Variants in DCLK1 observed in about 807,000 individuals in gnomAD.
The protein encoded by DCLK1 is doublecortin like kinase 1, also known as serine/threonine-protein kinase DCLK1.
DCLK1 carries 16 observed loss-of-function variants against 86.2 expected under a neutral mutation model. That is an observed-to-expected ratio of 0.19 (90% CI 0.13 to 0.28). The LOEUF is 0.28. Ranked by LOEUF, DCLK1 falls within the 10% of genes least tolerant of loss-of-function variation. The probability of loss-of-function intolerance (pLI) is 1.00; values close to 1 mark genes in which losing one functional copy is unlikely to be tolerated. For synonymous variants in DCLK1, 369 were observed against 370.5 expected, an observed-to-expected ratio of 1.00 and a Z score of 0.05; for missense variants, 590 against 940.2, an observed-to-expected ratio of 0.63 and a Z score of 4.87.
chr13:35,902,177 C>T lies in DCLK1; in HGVS notation c.824-30837G>A, dbSNP rs149285704. Reference sequence around the variant, plus strand: ...ATTGAACTCATAAGGAAACTAAAGCCGAGTAAGGTTAACTGACTTGCCCAC... The same window carrying T: ...ATTGAACTCATAAGGAAACTAAAGCTGAGTAAGGTTAACTGACTTGCCCAC... On this transcript the variant is annotated intron_variant, in intron 4 of 16. Transcript: ENST00000360631. Among the ~76,000 whole-genome samples, 625 of 152,246 alleles carry T rather than the reference C, an allele frequency of 4.1e-3. 5 individuals carry two copies. Among genetic ancestry groups the T allele is most frequent in the African/African-American group, 0.014 (590 of 41,536 alleles).
chr13:36,055,716 T>C (rs1021629837), intron 3 of DCLK1, among the ~76,000 whole-genome samples: 1 of 152,224 alleles, frequency 6.6e-6, no homozygotes, highest in African/African-American at 2.4e-5. Context: ...AACTTCATTC[T>C]AACTTCTTTA....
At chr13:35,912,268 A>C (rs185921889) in intron 4 of DCLK1, among the ~76,000 whole-genome samples, 1 of 152,120 alleles carries the variant, frequency 6.6e-6, no homozygotes, top group Non-Finnish European at 1.5e-5. Flanking sequence ...CCGTGGCAAA[A>C]TCCCATGTTT....
chr13:35,938,412 G>A (rs1345685137), intron 4 of DCLK1, among the ~76,000 whole-genome samples: 2 of 152,090 alleles, frequency 1.3e-5, no homozygotes, highest in Non-Finnish European at 2.9e-5. Flanking sequence ...GGTGGATCAC[G>A]AGGTCAGGAG....
intron 4 of DCLK1, among the ~76,000 whole-genome samples, chr13:35,943,612 G>C (rs752001764): frequency 6.6e-6 from 1 of 152,086 alleles, no homozygotes; most frequent in Admixed American, 6.5e-5. Context: ...GTGAGGCTCC[G>C]GATGGCAGTG....
intron 4 of DCLK1, among the ~76,000 whole-genome samples, chr13:35,887,165 G>A (rs998882808): frequency 3.9e-5 from 6 of 152,180 alleles, no homozygotes; most frequent in Non-Finnish European, 7.3e-5. Context: ...ACTTGCTAAC[G>A]ATGCTACATG....
At chr13:36,051,111 AAAAT>A (rs1423500742) in intron 3 of DCLK1, among the ~76,000 whole-genome samples, 1 of 152,230 alleles carries the variant, frequency 6.6e-6, no homozygotes, top group Non-Finnish European at 1.5e-5. Flanking sequence ...TATTTACTAC[AAAAT>A]AAATGAATAG....
At chr13:36,088,406 C>A (rs561057672) in intron 3 of DCLK1, among the ~76,000 whole-genome samples, 3 of 152,312 alleles carry the variant, frequency 2.0e-5, no homozygotes, top group African/African-American at 7.2e-5. Context: ...GGAGCAGCCT[C>A]ATGTAGGGTC....
In DCLK1 at chr13:36,004,631, G is replaced by A. The variant is rs140418136; in HGVS notation, c.724-57174C>T. Among the ~76,000 whole-genome samples the A allele has an allele frequency of 1.5e-4, 23 of 152,236 alleles. 1 individual carries two copies. The East Asian group carries it at 4.4e-3, about 29-fold the overall frequency. Reference sequence around the variant, plus strand: ...TTTTTTGATACAGTCTCGCTCTGTTGCCCAGGCTGGAGTGCAGTGGTGCAA... The same window carrying A: ...TTTTTTGATACAGTCTCGCTCTGTTACCCAGGCTGGAGTGCAGTGGTGCAA... On this transcript the variant is annotated intron_variant, in intron 3 of 16. Transcript: ENST00000360631.
At chr13:35,934,907 A>G (rs901654627) in intron 4 of DCLK1, among the ~76,000 whole-genome samples, 1 of 152,200 alleles carries the variant, frequency 6.6e-6, no homozygotes, top group African/African-American at 2.4e-5. Context: ...TTTTAAAAAA[A>G]AATCCCAGAA....
intron 4 of DCLK1, among the ~76,000 whole-genome samples, chr13:35,878,495 T>C (rs931563030): frequency 1.3e-5 from 2 of 151,854 alleles, no homozygotes; most frequent in African/African-American, 2.4e-5. Flanking sequence ...CACTCTAAAA[T>C]ACAGCTTTTA....
Position 36,008,844 on chromosome 13 carries a change from T to C in DCLK1, c.724-61387A>G, listed in dbSNP as rs1403096494. Among the ~76,000 whole-genome samples the C allele has an allele frequency of 2.7e-5, 4 of 150,572 alleles. No individual in the cohort carries two copies. In the East Asian group the frequency reaches 8.0e-4, roughly 30 times the overall value. On this transcript the variant is annotated intron_variant, in intron 3 of 16. Transcript: ENST00000360631. Reference sequence around the variant, plus strand: ...AACTAGTTTACAGTCTCACCAACAGTGTAAAAGTGTTCCTATTTCTCCACA... The same window carrying C: ...AACTAGTTTACAGTCTCACCAACAGCGTAAAAGTGTTCCTATTTCTCCACA...
chr13:35,850,190 C>T (rs1410903627), intron 6 of DCLK1: 1 of 984,294 alleles, frequency 1.0e-6, no homozygotes, highest in African/African-American at 1.7e-5. Flanking sequence ...GAAAAAAAAT[C>T]TACCCAAGTA....
At chr13:35,814,702 C>A (rs2087230153) in intron 11 of DCLK1, among the ~76,000 whole-genome samples, 1 of 152,148 alleles carries the variant, frequency 6.6e-6, no homozygotes, top group South Asian at 2.1e-4. Context: ...AGATGTTCCC[C>A]CACATTTTAA....
chr13:36,020,261 A>G (rs1474069572), intron 3 of DCLK1, among the ~76,000 whole-genome samples: 1 of 152,212 alleles, frequency 6.6e-6, no homozygotes, highest in African/African-American at 2.4e-5. Context: ...AAATGGATTA[A>G]GATGATAAAT....
chr13:35,912,965 G>A (rs559291899), intron 4 of DCLK1, among the ~76,000 whole-genome samples: 16 of 152,298 alleles, frequency 1.1e-4, no homozygotes, highest in East Asian at 5.8e-4. Context: ...GTAGCTGGCC[G>A]GATCCTGCCC....
At chr13:35,792,724 A>T (rs1566534434) in intron 16 of DCLK1, among the ~76,000 whole-genome samples, 1 of 152,220 alleles carries the variant, frequency 6.6e-6, no homozygotes, top group Non-Finnish European at 1.5e-5. Flanking sequence ...TAGAGCTGCG[A>T]TCAAATTGCA....
chr13:35,961,523 G>A (rs1878462849), intron 3 of DCLK1, among the ~76,000 whole-genome samples: 1 of 152,124 alleles, frequency 6.6e-6, no homozygotes, highest in Non-Finnish European at 1.5e-5. Context: ...CTTTCCTTCT[G>A]TATATTATCC....
intron 15 of DCLK1, among the ~76,000 whole-genome samples, chr13:35,795,606 T>C (rs766432780): frequency 1.8e-4 from 28 of 152,196 alleles, no homozygotes; most frequent in Non-Finnish European, 3.2e-4. Context: ...GAATGGTGTA[T>C]ATAAAAAATG....
chr13:36,012,362 T>C (rs1160573208), intron 3 of DCLK1, among the ~76,000 whole-genome samples: 1 of 152,252 alleles, frequency 6.6e-6, no homozygotes, highest in South Asian at 2.1e-4. Context: ...GCCACGGCTG[T>C]TACCGGTTGT....
Sources: gnomAD v4.1 joint callset for allele counts (sites outside exome capture counted in the v4.1 genomes callset) on GRCh38, gnomAD v4.1.1 for gene constraint, MANE v1.5 for transcripts, NCBI Gene and HGNC (gene_info 2026-07-23, HGNC 2026-07-21) for gene names.